Variants in NEK7 observed in about 807,000 individuals in gnomAD.
NEK7 encodes NIMA related kinase 7, also known as serine/threonine-protein kinase Nek7.
Under a neutral mutation model 44.6 loss-of-function variants are expected in NEK7, and 18 were observed. The ratio of observed to expected loss-of-function variants is 0.40; its 90% CI spans 0.28 to 0.60. The LOEUF is 0.60. Among genes scored for constraint, NEK7 ranks in the 20% least tolerant of loss-of-function variants. NEK7 has a pLI of 0.38. For missense variants in NEK7, 256 were observed against 366.5 expected, an observed-to-expected ratio of 0.70 and a Z score of 2.46; for synonymous variants, 130 against 121.1, an observed-to-expected ratio of 1.07 and a Z score of -0.48.
intron 7 of NEK7, among the ~76,000 whole-genome samples, chr1:198,282,604 C>A (rs1654240150): frequency 6.6e-6 from 1 of 152,076 alleles, no homozygotes; most frequent in Admixed American, 6.6e-5. Flanking sequence ...CCCTTAACTC[C>A]TAAACAGTCC....
rs929106932 is a variant in NEK7, at chr1:198,201,375, T to C, written c.-28-31178T>C. Among the ~76,000 whole-genome samples the C allele has an allele frequency of 2.0e-5, 3 of 152,332 alleles. No individual in the cohort carries two copies. In the East Asian group the frequency reaches 5.8e-4, roughly 29 times the overall value. Reference sequence around the variant, plus strand: ...GAGTATATAGTGGTTTTTTTTAACATATAAAATGTTATGTACTGTGCCTGT... The same window carrying C: ...GAGTATATAGTGGTTTTTTTTAACACATAAAATGTTATGTACTGTGCCTGT... On this transcript the variant is annotated intron_variant, in intron 1 of 9. Transcript: ENST00000367385.
chr1:198,247,011 C>T (rs892427599), intron 2 of NEK7, among the ~76,000 whole-genome samples: 18 of 152,210 alleles, frequency 1.2e-4, no homozygotes, highest in Admixed American at 3.9e-4. Flanking sequence ...AAGTTAAAAA[C>T]GTAAAAAATT....
intron 3 of NEK7, among the ~76,000 whole-genome samples, chr1:198,258,808 TC>T (rs1259030790): frequency 2.6e-5 from 4 of 152,184 alleles, no homozygotes; most frequent in Admixed American, 2.6e-4. Flanking sequence ...AAATGATGCC[TC>T]CTAAAGACTT....
chr1:198,250,430 G>T lies in NEK7; in HGVS notation c.58-2610G>T, dbSNP rs1652902474. On this transcript the variant is annotated intron_variant, in intron 2 of 9. Transcript: ENST00000367385. Reference sequence around the variant, plus strand: ...AATTCTGTGAAGAAAGTCATTGGTAGCTTGATGGGAACGGCATTGAATCTA... The same window carrying T: ...AATTCTGTGAAGAAAGTCATTGGTATCTTGATGGGAACGGCATTGAATCTA... 2.0e-5 allele frequency among the ~76,000 whole-genome samples: 3 copies of T among 152,112 alleles called. No individual in the cohort carries two copies. The South Asian group carries it at 6.2e-4, about 32-fold the overall frequency.
intron 1 of NEK7, among the ~76,000 whole-genome samples, chr1:198,184,042 T>C (rs1034581756): frequency 6.6e-6 from 1 of 152,240 alleles, no homozygotes; most frequent in African/African-American, 2.4e-5. Context: ...AGTTGGATGT[T>C]TACTTAACAA....
At chr1:198,170,191 T>C (rs985448689) in intron 1 of NEK7, among the ~76,000 whole-genome samples, 5 of 152,208 alleles carry the variant, frequency 3.3e-5, no homozygotes, top group African/African-American at 1.2e-4. Flanking sequence ...TGTATCTGAA[T>C]TCTGAATTCC....
chr1:198,171,202 A>T (rs1480174732), intron 1 of NEK7, among the ~76,000 whole-genome samples: 3 of 152,218 alleles, frequency 2.0e-5, no homozygotes, highest in Non-Finnish European at 4.4e-5. Flanking sequence ...TTTTAAATAA[A>T]TAGAACCCTC....
intron 1 of NEK7, among the ~76,000 whole-genome samples, chr1:198,204,046 C>T (rs1358430369): frequency 1.3e-5 from 2 of 152,120 alleles, no homozygotes; most frequent in Non-Finnish European, 2.9e-5. Flanking sequence ...GACTTGAGGC[C>T]AGGATTTGAG....
chr1:198,203,413 CA>C (rs1665496404), intron 1 of NEK7, among the ~76,000 whole-genome samples: 1 of 152,188 alleles, frequency 6.6e-6, no homozygotes, highest in Non-Finnish European at 1.5e-5. Flanking sequence ...GTTGCACCCC[CA>C]GGTACAGGAA....
At chr1:198,289,218 G>T (rs1224514025) in intron 7 of NEK7, among the ~76,000 whole-genome samples, 1 of 151,772 alleles carries the variant, frequency 6.6e-6, no homozygotes, top group Non-Finnish European at 1.5e-5. Flanking sequence ...AATTTTCCCA[G>T]CAAGGAATAT....
intron 3 of NEK7, 124 bp downstream of exon 3, chr1:198,253,304 A>G (rs1326962511): frequency 4.9e-6 from 3 of 607,668 alleles, no homozygotes; most frequent in Non-Finnish European, 8.2e-6. Flanking sequence ...GAAAGATTGA[A>G]CGTTGTATTT....
At chr1:198,162,791 T>G (rs1351853860) in intron 1 of NEK7, among the ~76,000 whole-genome samples, 1 of 152,008 alleles carries the variant, frequency 6.6e-6, no homozygotes, top group Non-Finnish European at 1.5e-5. Context: ...ACATTTGAGT[T>G]AGTTTTTATG....
intron 1 of NEK7, among the ~76,000 whole-genome samples, chr1:198,210,741 CTTTTTTTTTT>C (rs140181207): frequency 1.9e-4 from 11 of 57,542 alleles, no homozygotes; most frequent in African/African-American, 4.4e-4. Context: ...ATTTGTATTT[CTTTTTTTTTT>C]TTTTTTTTTT....
intron 1 of NEK7, among the ~76,000 whole-genome samples, chr1:198,177,460 A>G (rs751593342): frequency 8.5e-5 from 13 of 152,262 alleles, no homozygotes; most frequent in South Asian, 6.2e-4. Context: ...TTTATTTTCA[A>G]CGTTCAGAGA....
intron 9 of NEK7, among the ~76,000 whole-genome samples, chr1:198,314,096 AC>A (rs1246000472): frequency 5.9e-5 from 9 of 152,008 alleles, no homozygotes; most frequent in Admixed American, 5.2e-4. Flanking sequence ...TGGTCCTTTC[AC>A]ATAGTCCCAT....
At chr1:198,179,363 G>A (rs1042857601) in intron 1 of NEK7, among the ~76,000 whole-genome samples, 1 of 152,012 alleles carries the variant, frequency 6.6e-6, no homozygotes, top group Non-Finnish European at 1.5e-5. Context: ...AACTTAAATA[G>A]ACATTCTTCA....
At chr1:198,237,861 G>C (rs1394291518) in intron 2 of NEK7, among the ~76,000 whole-genome samples, 1 of 152,084 alleles carries the variant, frequency 6.6e-6, no homozygotes, top group African/African-American at 2.4e-5. Context: ...CACTCACACA[G>C]TATGTCAACC....
At position 198,227,925 on chromosome 1, in the gene NEK7, A is replaced by G. The variant is rs1383188650; in HGVS notation, c.-28-4628A>G. Among the ~76,000 whole-genome samples the G allele has an allele frequency of 4.6e-5, 7 of 152,222 alleles. No homozygotes were observed. The East Asian group carries it at 1.4e-3, about 29-fold the overall frequency. On this transcript the variant is annotated intron_variant, in intron 1 of 9. Coordinates refer to ENST00000367385, the MANE Select transcript of NEK7 (RefSeq NM_133494.3). Reference sequence around the variant, plus strand: ...TTGTTGCCATTGCTTTTGGTGTTTTAGACATGAAGTCCTTGCCCATGCCTA... The same window carrying G: ...TTGTTGCCATTGCTTTTGGTGTTTTGGACATGAAGTCCTTGCCCATGCCTA...
rs533357562 is a variant in NEK7 at position 198,186,396 on chromosome 1, T to TTTTTG, written c.-29+29142_-29+29146dup. On this transcript the variant is annotated intron_variant, in intron 1 of 9. Transcript: ENST00000367385. ...ATTGTGTAAAGAGCAAAAGAGCAAG[T>TTTTTG]TTTTGTTTTGTTTTGTTTTGTTTTG... 1.3e-3 allele frequency among the ~76,000 whole-genome samples: 205 copies of TTTTTG among 152,230 alleles called. 1 individual carries two copies. The highest frequency in any genetic ancestry group is 5.4e-3 in the East Asian group (28 of 5,186).
Sources: allele counts gnomAD v4.1 joint callset (sites outside exome capture counted in the v4.1 genomes callset), GRCh38; gene constraint gnomAD v4.1.1; transcripts MANE v1.5; gene names NCBI Gene and HGNC (gene_info 2026-07-23, HGNC 2026-07-21).